Variants in NEK11 observed in about 807,000 individuals in gnomAD.
NEK11 encodes the protein NIMA related kinase 11, also known as serine/threonine-protein kinase Nek11.
Under a neutral mutation model 80.7 loss-of-function variants are expected in NEK11, and 72 were observed. The ratio of observed to expected loss-of-function variants is 0.89; its 90% confidence interval spans 0.74 to 1.08. NEK11 has a LOEUF of 1.08. Among genes scored for constraint, NEK11 ranks in the 50% least tolerant of loss-of-function variants. The pLI, the probability that NEK11 is intolerant of heterozygous loss-of-function variation, is 0.00. For missense variants in NEK11, 764 were observed against 763.6 expected, an observed-to-expected ratio of 1.00 and a Z score of -0.01; for synonymous variants, 251 against 260.7, an observed-to-expected ratio of 0.96 and a Z score of 0.36.
At chr3:131,192,266 C>A (rs2093826956) in intron 14 of NEK11, among the ~76,000 whole-genome samples, 1 of 152,062 alleles carries the variant, frequency 6.6e-6, no homozygotes, top group Non-Finnish European at 1.5e-5. Context: ...AGAATGGCAA[C>A]TATCAAAAAA....
At chr3:131,181,745 C>T (rs80275028) in intron 14 of NEK11, among the ~76,000 whole-genome samples, 1 of 83,124 alleles carries the variant, frequency 1.2e-5, no homozygotes, top group South Asian at 4.7e-4. Context: ...GACTCCGCCT[C>T]AAAAAAAAAA....
chr3:131,211,383 C>G (rs1274671655), intron 14 of NEK11, among the ~76,000 whole-genome samples: 1 of 152,200 alleles, frequency 6.6e-6, no homozygotes, highest in African/African-American at 2.4e-5. Context: ...CAACCTTTCT[C>G]TCTGGCTGCC....
At chr3:131,210,259 C>T (rs996401352) in intron 14 of NEK11, among the ~76,000 whole-genome samples, 9 of 152,170 alleles carry the variant, frequency 5.9e-5, no homozygotes, top group South Asian at 2.1e-4. Context: ...GCAGGTTGTT[C>T]GGTTTCCATG....
At chr3:131,039,377 A>G (rs555671509) in intron 3 of NEK11, among the ~76,000 whole-genome samples, 1 of 152,218 alleles carries the variant, frequency 6.6e-6, no homozygotes, top group Non-Finnish European at 1.5e-5. Context: ...ATAATCTGTA[A>G]CTAGCCCTTC....
chr3:131,086,076 C>G (rs1201356223), intron 4 of NEK11, among the ~76,000 whole-genome samples: 1 of 152,156 alleles, frequency 6.6e-6, no homozygotes, highest in Non-Finnish European at 1.5e-5. Context: ...GTATTCTTCT[C>G]AGTACATCAT....
intron 16 of NEK11, among the ~76,000 whole-genome samples, chr3:131,257,049 A>G (rs956824123): frequency 1.3e-5 from 2 of 151,904 alleles, no homozygotes; most frequent in Admixed American, 6.6e-5. Context: ...CAGTGGCACA[A>G]TCATGGCTCA....
chr3:131,262,757 G>T (rs1021203799), intron 16 of NEK11, among the ~76,000 whole-genome samples: 5 of 152,092 alleles, frequency 3.3e-5, no homozygotes, highest in Admixed American at 2.0e-4. Flanking sequence ...GTGGTTTGCT[G>T]CACCCATCAG....
chr3:131,133,224 T>C (rs1270136532), intron 6 of NEK11: 1 of 454,270 alleles, frequency 2.2e-6, no homozygotes, highest in Non-Finnish European at 4.4e-6. Context: ...AATGTTGATA[T>C]AATGGCTTTA....
At chr3:131,178,130 G>C (rs1002112094) in intron 14 of NEK11, among the ~76,000 whole-genome samples, 10 of 152,160 alleles carry the variant, frequency 6.6e-5, no homozygotes, top group African/African-American at 2.4e-4. Flanking sequence ...ACCTGTATAG[G>C]GCACTTATGA....
At chr3:131,095,216 G>A (rs558560360) in intron 4 of NEK11, among the ~76,000 whole-genome samples, 12 of 152,138 alleles carry the variant, frequency 7.9e-5, no homozygotes, top group African/African-American at 2.9e-4. Context: ...ATTAATTGGT[G>A]TTCTGCTTGA....
intron 16 of NEK11, among the ~76,000 whole-genome samples, chr3:131,272,817 A>G (rs908223407): frequency 6.6e-6 from 1 of 152,060 alleles, no homozygotes; most frequent in Non-Finnish European, 1.5e-5. Flanking sequence ...GTTTCAGTTG[A>G]TGGAATATTT....
chr3:131,246,121 A>G (rs1580810037), intron 16 of NEK11, among the ~76,000 whole-genome samples: 1 of 152,148 alleles, frequency 6.6e-6, no homozygotes, highest in Middle Eastern at 3.4e-3. Flanking sequence ...TTTTATTCCA[A>G]TAGGTTTTTG....
intron 16 of NEK11, among the ~76,000 whole-genome samples, chr3:131,261,174 C>G (rs575969154): frequency 1.5e-4 from 23 of 152,178 alleles, no homozygotes; most frequent in Admixed American, 3.3e-4. Flanking sequence ...GGTGAGAGAC[C>G]ATAGAAGTAG....
At position 131,265,196 on chromosome 3, in the gene NEK11, T is replaced by C. The variant is rs1286072428; in HGVS notation, c.1622-8282T>C. 2.1e-4 allele frequency among the ~76,000 whole-genome samples: 32 copies of C among 152,206 alleles called. 1 individual carries two copies. Among genetic ancestry groups the C allele is most frequent in the Admixed American group, 2.0e-3 (31 of 15,268 alleles). On this transcript the variant is annotated intron_variant, in intron 16 of 17. Transcript: ENST00000383366. ...TTGACTTCCTCTTTTCCTATTTGAA[T>C]ACCCTGTATTTCTTTCTCTTGCCTG...
chr3:131,268,139 C>T (rs543957224), intron 16 of NEK11, among the ~76,000 whole-genome samples: 2 of 152,186 alleles, frequency 1.3e-5, no homozygotes, highest in Non-Finnish European at 2.9e-5. Context: ...ATGTTCTTCT[C>T]TAAACTGGTT....
chr3:131,031,093 T>G (rs1254010575), intron 3 of NEK11, among the ~76,000 whole-genome samples: 17 of 152,226 alleles, frequency 1.1e-4, no homozygotes, highest in Admixed American at 1.1e-3. Flanking sequence ...GATAAACACT[T>G]TTCTACATCT....
At chr3:131,268,259 A>G (rs2096103169) in intron 16 of NEK11, among the ~76,000 whole-genome samples, 1 of 152,154 alleles carries the variant, frequency 6.6e-6, no homozygotes, top group Admixed American at 6.5e-5. Flanking sequence ...CACCTTCTGA[A>G]GCCTACTTCT....
intron 7 of NEK11, chr3:131,134,406 A>G (rs2085123767): frequency 1.4e-5 from 2 of 147,938 alleles, no homozygotes; most frequent in South Asian, 4.3e-4. Context: ...AGGATAAACT[A>G]TTTTTTTTTT....
intron 4 of NEK11, among the ~76,000 whole-genome samples, chr3:131,108,281 T>C (rs2079514638): frequency 6.6e-6 from 1 of 152,154 alleles, no homozygotes; most frequent in South Asian, 2.1e-4. Context: ...TTTTGGATTG[T>C]CTCATTGCCT....
Sources: gnomAD v4.1 joint callset for allele counts (sites outside exome capture counted in the v4.1 genomes callset) on GRCh38, gnomAD v4.1.1 for gene constraint, MANE v1.5 for transcripts, NCBI Gene and HGNC (gene_info 2026-07-23, HGNC 2026-07-21) for gene names.